The following ANO10 variants were observed in gnomAD, a reference collection of about 807,000 sequenced individuals.
ANO10 encodes the protein anoctamin 10.
ANO10 carries 77 observed loss-of-function variants against 74.7 expected under a neutral mutation model. The ratio of observed to expected loss-of-function variants is 1.03; its 90% CI spans 0.86 to 1.25. ANO10 has a LOEUF of 1.25. Among genes scored for constraint, ANO10 ranks in the 50% most tolerant of loss-of-function variants. The pLI, the probability that ANO10 is intolerant of heterozygous loss-of-function variation, is 0.00. For missense variants in ANO10, 721 were observed against 778.1 expected (o/e 0.93, Z 0.87); for synonymous variants, 279 against 284.9 (o/e 0.98, Z 0.21).
intron 12 of ANO10, among the ~76,000 whole-genome samples, chr3:43,396,657 GT>G (rs1301460854): frequency 2.0e-5 from 3 of 151,704 alleles, no homozygotes; most frequent in Non-Finnish European, 4.4e-5. Flanking sequence ...AAGTTTTATT[GT>G]TTTTTCTTTT....
intron 1 of ANO10, among the ~76,000 whole-genome samples, chr3:43,618,468 T>C (rs1355352648): frequency 1.3e-5 from 2 of 152,204 alleles, no homozygotes; most frequent in African/African-American, 4.8e-5. Context: ...GCTAGAATAA[T>C]GTCAGAAATA....
Position 43,598,559 on chromosome 3 carries a change from C to T in ANO10, c.445G>A (p.Ala149Thr). 3 of 1,613,056 alleles carry T rather than the reference C, an allele frequency of 1.9e-6. No homozygotes were observed. Among genetic ancestry groups the T allele is most frequent in the Non-Finnish European group, 2.5e-6 (3 of 1,179,616 alleles). Residue 149 changes from alanine (A) to threonine (T), a missense_variant, in exon 4 of 13, where the codon GCA becomes ACA. Transcript: ENST00000292246. ...AATGATTTTCCTGGATACAACTTTG[C>T]CTGAGGGTAACCAGGGATCATTTTT... ...DEKMIPGYPQAKLYPGKSLLR... is the reference protein window; with the variant it reads ...DEKMIPGYPQTKLYPGKSLLR...
intron 9 of ANO10, among the ~76,000 whole-genome samples, chr3:43,555,698 C>A (rs1166411065): frequency 6.6e-6 from 1 of 152,158 alleles, no homozygotes; most frequent in East Asian, 1.9e-4. Flanking sequence ...TATTTTAAAG[C>A]AATCATAAGC....
At chr3:43,641,899 T>G (rs1481925454) in intron 1 of ANO10, among the ~76,000 whole-genome samples, 1 of 152,150 alleles carries the variant, frequency 6.6e-6, no homozygotes, top group Non-Finnish European at 1.5e-5. Context: ...GTGTAATAAT[T>G]AGATCCTTAC....
At chr3:43,440,757 T>A (rs947207083) in intron 11 of ANO10, among the ~76,000 whole-genome samples, 6 of 152,040 alleles carry the variant, frequency 3.9e-5, no homozygotes, top group Non-Finnish European at 8.8e-5. Flanking sequence ...AACATTCTTC[T>A]CAAGTACATA....
chr3:43,504,538 C>T (rs976697464), intron 11 of ANO10, among the ~76,000 whole-genome samples: 9 of 151,838 alleles, frequency 5.9e-5, no homozygotes, highest in Non-Finnish European at 8.8e-5. Flanking sequence ...TAGTTTTCTG[C>T]CATTGCTAAG....
At chr3:43,409,610 A>T (rs1229566777) in intron 12 of ANO10, among the ~76,000 whole-genome samples, 1 of 152,182 alleles carries the variant, frequency 6.6e-6, no homozygotes, top group African/African-American at 2.4e-5. Context: ...TCTGTAACCA[A>T]GTCTATGTCT....
At chr3:43,407,760 C>G (rs1207549236) in intron 12 of ANO10, among the ~76,000 whole-genome samples, 1 of 152,096 alleles carries the variant, frequency 6.6e-6, no homozygotes, top group Non-Finnish European at 1.5e-5. Context: ...GAGAAATTGT[C>G]CAGGAGGAAA....
chr3:43,634,005 A>AC, intron 1 of ANO10, among the ~76,000 whole-genome samples: 1 of 151,358 alleles, frequency 6.6e-6, no homozygotes, highest in African/African-American at 2.4e-5. Flanking sequence ...CAAAAAAAAA[A>AC]AAAAAAAAAA....
intron 10 of ANO10, among the ~76,000 whole-genome samples, chr3:43,552,481 A>G (rs556638913): frequency 3.3e-4 from 50 of 152,092 alleles, no homozygotes; most frequent in African/African-American, 1.0e-3. Context: ...AGAAAACTCA[A>G]TAAGAGAAGA....
At chr3:43,546,637 A>C (rs908309805) in intron 11 of ANO10, among the ~76,000 whole-genome samples, 1 of 152,252 alleles carries the variant, frequency 6.6e-6, no homozygotes, top group East Asian at 1.9e-4. Context: ...AAATGCAGTA[A>C]TAGAAATTAA....
chr3:43,580,657 A>T (rs960297779), intron 4 of ANO10, among the ~76,000 whole-genome samples, 185 bp from the exon 5 acceptor site: 2 of 152,158 alleles, frequency 1.3e-5, no homozygotes, highest in African/African-American at 4.8e-5. Flanking sequence ...ATTCTCTTTG[A>T]CTATGAAGCA....
chr3:43,670,420 T>C (rs1427330269), intron 1 of ANO10, among the ~76,000 whole-genome samples: 3 of 152,134 alleles, frequency 2.0e-5, no homozygotes, highest in African/African-American at 7.2e-5. Flanking sequence ...TTAAGAGTCT[T>C]AATTTTTTAA....
chr3:43,513,718 G>A (rs1002927540), intron 11 of ANO10, among the ~76,000 whole-genome samples: 1 of 152,048 alleles, frequency 6.6e-6, no homozygotes, highest in African/African-American at 2.4e-5. Flanking sequence ...CACCATGTTA[G>A]CCAGGATGGT....
intron 12 of ANO10, among the ~76,000 whole-genome samples, chr3:43,379,264 C>T (rs1456472255): frequency 2.0e-5 from 3 of 152,184 alleles, no homozygotes; most frequent in South Asian, 2.1e-4. Context: ...ATATTTTAGT[C>T]GGGTACTGTT....
Position 43,549,979 on chromosome 3 carries a change from T to C in ANO10, c.1669-131A>G, listed in dbSNP as rs868692692. 3.7e-6 allele frequency: 4 copies of C among 1,073,272 alleles called. No homozygotes were observed. In the South Asian group the frequency reaches 6.4e-5, roughly 17 times the overall value. 66.5% of individuals were successfully genotyped at this position (1,073,272 alleles called of 1,614,324 possible). A position where few individuals can be genotyped will look rare whatever the true frequency, so the allele number is the denominator to read the frequency against. On this transcript the variant is annotated intron_variant, in intron 10 of 12. Transcript: ENST00000292246. ...CTAAACATTCCAAGTACATTTTAAA[T>C]TTTTTTCTCTGTCATGGTATGATTT...
chr3:43,671,849 A>G lies in ANO10; in HGVS notation c.-12+19668T>C, dbSNP rs143120516. Among the ~76,000 whole-genome samples, 100 of 152,274 alleles carry G rather than the reference A, an allele frequency of 6.6e-4. 3 individuals are homozygous for G. Among genetic ancestry groups the G allele is most frequent in the African/African-American group, 2.3e-3 (97 of 41,546 alleles). On this transcript the variant is annotated intron_variant, in intron 1 of 3. Coordinates refer to the ANO10 transcript ENST00000413397. ...CATAAGAAATTACATTAAATAAGAG[A>G]CTTCACTAAGGAGAGAGTAGCTAAG... is the stretch of plus-strand genomic sequence containing the variant.
intron 11 of ANO10, among the ~76,000 whole-genome samples, chr3:43,545,571 G>C (rs916846304): frequency 1.3e-5 from 2 of 151,952 alleles, no homozygotes; most frequent in African/African-American, 4.8e-5. Context: ...TCATCATGTT[G>C]ACCAGGCTGG....
chr3:43,597,884 C>T (rs911861056), intron 4 of ANO10, among the ~76,000 whole-genome samples: 3 of 152,012 alleles, frequency 2.0e-5, no homozygotes, highest in African/African-American at 4.8e-5. Flanking sequence ...CACCACTGCA[C>T]TCCATTCTGA....
Sources: gnomAD v4.1 joint callset for allele counts (sites outside exome capture counted in the v4.1 genomes callset) on GRCh38, gnomAD v4.1.1 for gene constraint, MANE v1.5 for transcripts, NCBI Gene and HGNC (gene_info 2026-07-23, HGNC 2026-07-21) for gene names.